Variants in TRERF1 observed in about 807,000 individuals in gnomAD.
TRERF1 encodes the protein transcriptional regulating factor 1, also known as transcriptional-regulating factor 1.
In TRERF1, 27 loss-of-function variants were observed where a neutral mutation model predicts 122.9. That is an observed-to-expected ratio of 0.22 (90% CI 0.16 to 0.30). The LOEUF is 0.30. Among genes scored for constraint, TRERF1 ranks in the 10% least tolerant of loss-of-function variants. The probability of loss-of-function intolerance (pLI) is 1.00; values close to 1 mark genes in which losing one functional copy is unlikely to be tolerated. For synonymous variants in TRERF1, 636 were observed against 641.7 expected, an observed-to-expected ratio of 0.99 and a Z score of 0.13; for missense variants, 1,248 against 1,560.3, an observed-to-expected ratio of 0.80 and a Z score of 3.37.
chr6:42,446,695 T>C (rs1257176980), intron 2 of TRERF1, among the ~76,000 whole-genome samples: 2 of 152,144 alleles, frequency 1.3e-5, no homozygotes, highest in Admixed American at 1.3e-4. Flanking sequence ...GGGCTGCTTA[T>C]GGCATTAAAA....
At chr6:42,342,106 C>T (rs1263570827) in intron 3 of TRERF1, among the ~76,000 whole-genome samples, 1 of 152,240 alleles carries the variant, frequency 6.6e-6, no homozygotes, top group Non-Finnish European at 1.5e-5. Context: ...ACTGGGCTCC[C>T]CCTGAGGGCA....
chr6:42,448,660 C>G (rs912414345), intron 2 of TRERF1, among the ~76,000 whole-genome samples: 1 of 152,148 alleles, frequency 6.6e-6, no homozygotes, highest in South Asian at 2.1e-4. Flanking sequence ...CGGATCAAAC[C>G]ACGCACTTTT....
intron 3 of TRERF1, among the ~76,000 whole-genome samples, chr6:42,356,009 C>T (rs1770468979): frequency 6.6e-6 from 1 of 152,332 alleles, no homozygotes; most frequent in South Asian, 2.1e-4. Flanking sequence ...ACATTCGGAA[C>T]TAGGAAAGCT....
At chr6:42,418,218 C>CTTTTTTTTTCTTTTT (rs1782153219) in intron 2 of TRERF1, among the ~76,000 whole-genome samples, 1 of 34,656 alleles carries the variant, frequency 2.9e-5, no homozygotes, top group Non-Finnish European at 5.0e-5. Context: ...TTTTTCTTTC[C>CTTTTTTTTTCTTTTT]TTTTTTTTTT....
At chr6:42,265,546 T>C (rs1778987188) in intron 6 of TRERF1, among the ~76,000 whole-genome samples, 2 of 152,204 alleles carry the variant, frequency 1.3e-5, no homozygotes, top group Non-Finnish European at 2.9e-5. Context: ...AGGCACATCG[T>C]AATCACACCC....
At position 42,353,672 on chromosome 6, in the gene TRERF1, G is replaced by A. The variant is rs532523200; in HGVS notation, c.-371+9325C>T. Among the ~76,000 whole-genome samples, 40 of 152,268 alleles carry A rather than the reference G, an allele frequency of 2.6e-4. 1 individual carries two copies. The South Asian group carries it at 7.9e-3, about 30-fold the overall frequency. On this transcript the variant is annotated intron_variant, in intron 3 of 17. Transcript: ENST00000372922. The stretch of plus-strand genomic sequence containing the variant: ...GCTGGTTAAATACATTATGATATAT[G>A]TGTGTTTGTGTATTCATGTACTGAA...
Position 42,259,232 on chromosome 6 carries a change from T to C in TRERF1, c.2269+107A>G, listed in dbSNP as rs1777333393. On this transcript the variant is annotated intron_variant, in intron 9 of 17. Transcript: ENST00000372922. The surrounding 1 kb of genome is among the most constrained non-coding windows in gnomAD (Gnocchi z 4.9). ...AGCAGCGCGTGCTACATACAGCCAA[T>C]ACTCCGCAAAAGTCTGTGGGATAAA... The C allele has an allele frequency of 2.1e-6, 3 of 1,402,142 alleles. No homozygotes were observed. Among genetic ancestry groups the C allele is most frequent in the Admixed American group, 3.0e-5 (1 of 33,094 alleles). The allele number at this position is 1,402,142 out of a possible 1,614,324, so 86.9% of individuals were successfully genotyped here.
chr6:42,246,324 A>T, intron 14 of TRERF1, 132 bp downstream of exon 14: 1 of 736,050 alleles, frequency 1.4e-6, no homozygotes, highest in Non-Finnish European at 2.3e-6. Flanking sequence ...CTCCACTACC[A>T]TCCTCACCAG....
intron 2 of TRERF1, among the ~76,000 whole-genome samples, chr6:42,435,841 G>A (rs1438354269): frequency 4.0e-5 from 6 of 151,002 alleles, no homozygotes; most frequent in South Asian, 2.1e-4. Context: ...TTAGCTAGGC[G>A]TGGTGGGGGG....
At chr6:42,320,221 T>C (rs1222238661) in intron 3 of TRERF1, among the ~76,000 whole-genome samples, 1 of 152,104 alleles carries the variant, frequency 6.6e-6, no homozygotes, top group Non-Finnish European at 1.5e-5. Flanking sequence ...TATTATATTA[T>C]TATATGTCTA....
At chr6:42,239,172 A>G (rs1220536411) in intron 15 of TRERF1, among the ~76,000 whole-genome samples, 3 of 152,114 alleles carry the variant, frequency 2.0e-5, no homozygotes, top group African/African-American at 7.2e-5. Flanking sequence ...GCCCCCATCA[A>G]TGGACTGTGC....
At position 42,383,629 on chromosome 6, in the gene TRERF1, C is replaced by CA. The variant is rs1449274311; in HGVS notation, c.-453-20551dup. ...GCAGCCTCCAATGCAGCAATGGCCACACCCAAGAAAATGGACTCGTTTTCA... is the reference window on the plus strand; with the variant it reads ...GCAGCCTCCAATGCAGCAATGGCCACAACCCAAGAAAATGGACTCGTTTTCA... On this transcript the variant is annotated intron_variant, in intron 2 of 17. Transcript: ENST00000372922. Among the ~76,000 whole-genome samples the CA allele has an allele frequency of 2.6e-5, 4 of 152,278 alleles. No homozygotes were observed. The East Asian group carries it at 7.7e-4, about 29-fold the overall frequency.
In TRERF1 at chr6:42,374,004, G is replaced by A. The variant is rs1337362317; in HGVS notation, c.-453-10925C>T. 4.7e-5 allele frequency among the ~76,000 whole-genome samples: 7 copies of A among 147,650 alleles called. No homozygotes were observed. The East Asian group carries it at 6.1e-4, about 13-fold the overall frequency. On this transcript the variant is annotated intron_variant, in intron 2 of 17. Coordinates refer to ENST00000372922, the Ensembl canonical transcript of TRERF1. Reference sequence around the variant, plus strand: ...AAAAATTAGCTGGGCGTGGTGGCACGTGCTTGTAATCCCAGCTACTCAGGA... The same window carrying A: ...AAAAATTAGCTGGGCGTGGTGGCACATGCTTGTAATCCCAGCTACTCAGGA...
intron 2 of TRERF1, among the ~76,000 whole-genome samples, chr6:42,396,211 T>C (rs372416022): frequency 1.3e-5 from 2 of 152,306 alleles, no homozygotes; most frequent in East Asian, 3.9e-4. Context: ...TGATGGCCTC[T>C]GCGCGCTGAA....
rs1474701137 is a variant in TRERF1, at chr6:42,418,200, CTTCT to C, written c.-454+32973_-454+32976del. On this transcript the variant is annotated intron_variant, in intron 2 of 17. Coordinates refer to ENST00000372922, the Ensembl canonical transcript of TRERF1. The stretch of plus-strand genomic sequence containing the variant: ...CATTCGTTCTTTCTCTCTTTCTCTC[CTTCT>C]TTCTTTTTCTTTCCTTTTTTTTTTT... 4.8e-4 allele frequency among the ~76,000 whole-genome samples: 40 copies of C among 82,548 alleles called. 1 individual carries two copies. The South Asian group carries it at 0.013, about 28-fold the overall frequency. 54.2% of individuals were successfully genotyped at this position (82,548 alleles called of 152,430 possible).
At chr6:42,241,049 C>T (rs940806176) in intron 15 of TRERF1, among the ~76,000 whole-genome samples, 3 of 152,084 alleles carry the variant, frequency 2.0e-5, no homozygotes, top group Non-Finnish European at 2.9e-5. Context: ...TGCACTACCA[C>T]GTCCAGTTAA....
chr6:42,328,004 CT>C (rs36069546), intron 3 of TRERF1, among the ~76,000 whole-genome samples: 46,677 of 107,352 alleles, frequency 0.43, 8,422 homozygotes, highest in Middle Eastern at 0.59. Context: ...TTCTTTCTTT[CT>C]TTTTTTTTTT....
At chr6:42,240,107 G>C (rs1055120900) in intron 15 of TRERF1, among the ~76,000 whole-genome samples, 1 of 152,204 alleles carries the variant, frequency 6.6e-6, no homozygotes, top group Admixed American at 6.5e-5. Context: ...CCTCTGCCTT[G>C]TGTGGAAACA....
chr6:42,232,580 C>T lies in TRERF1; in HGVS notation c.3278+101G>A. The T allele has an allele frequency of 1.4e-6, 2 of 1,417,424 alleles. No individual in the cohort carries two copies. Among genetic ancestry groups the T allele is most frequent in the East Asian group, 5.0e-5 (2 of 40,244 alleles). The allele number at this position is 1,417,424 out of a possible 1,614,324, so 87.8% of individuals were successfully genotyped here. A position where few individuals can be genotyped will look rare whatever the true frequency, so the allele number is the denominator to read the frequency against. ...GAAGAAGAGTTTTGAGGTCTAAGTT[C>T]TTTTTTCTGATTGAAGAAACCTCAG... On this transcript the variant is annotated intron_variant, in intron 17 of 17. Coordinates refer to ENST00000372922, the Ensembl canonical transcript of TRERF1. The surrounding 1 kb of genome is among the most constrained non-coding windows in gnomAD (Gnocchi z 4.5).
Sources: gnomAD v4.1 joint callset for allele counts (sites outside exome capture counted in the v4.1 genomes callset) on GRCh38, gnomAD v4.1.1 for gene constraint, Gnocchi (gnomAD v3.1) non-coding constraint, MANE v1.5 for transcripts, NCBI Gene and HGNC (gene_info 2026-07-23, HGNC 2026-07-21) for gene names.